The following CRIPT variants were observed in gnomAD, a reference collection of about 807,000 sequenced individuals.
The protein encoded by CRIPT is cysteine-rich PDZ-binding protein.
A neutral mutation model predicts 16.6 loss-of-function variants in CRIPT; 20 were observed. The ratio of observed to expected loss-of-function variants is 1.20; its 90% CI spans 0.85 to 1.75. CRIPT has a LOEUF of 1.75. Among genes scored for constraint, CRIPT ranks in the 40% most tolerant of loss-of-function variants. The pLI, the probability that CRIPT is intolerant of heterozygous loss-of-function variation, is 0.00. For synonymous variants in CRIPT, 42 were observed against 37.0 expected (o/e 1.14, Z -0.49); for missense variants, 133 against 115.3 (o/e 1.15, Z -0.70).
Position 46,620,989 on chromosome 2 carries a change from C to T in CRIPT, c.137+1308C>T, listed in dbSNP as rs187621453. 3.3e-5 allele frequency among the ~76,000 whole-genome samples: 5 copies of T among 152,138 alleles called. No homozygotes were observed. The East Asian group carries it at 5.8e-4, about 18-fold the overall frequency. On this transcript the variant is annotated intron_variant, in intron 3 of 4. Coordinates refer to ENST00000238892, the MANE Select transcript of CRIPT (RefSeq NM_014171.6). ...AAGTTCTTTGGATCTACCTCCAAAA[C>T]GTAAAATGTAACCTGAAACCACCTG...
In CRIPT at chr2:46,628,087, A is replaced by G. The variant is rs1203084938; in HGVS notation, c.*3860A>G. Among the ~76,000 whole-genome samples the G allele has an allele frequency of 6.7e-6, 1 of 149,778 alleles. No individual in the cohort carries two copies. The highest frequency in any genetic ancestry group is 2.5e-5 in the African/African-American group (1 of 40,702). Reference sequence around the variant, plus strand: ...TGCTTAGGATTGATTTTTTGGTTCCATATGAATTTTAGAATGGATTTTTTC... The same window carrying G: ...TGCTTAGGATTGATTTTTTGGTTCCGTATGAATTTTAGAATGGATTTTTTC... On this transcript the variant is annotated 3_prime_UTR_variant, in exon 5 of 5. Transcript: ENST00000238892.
rs549914025 is a variant in CRIPT, at chr2:46,629,609, A to G, written c.*5382A>G. Among the ~76,000 whole-genome samples the G allele has an allele frequency of 3.7e-4, 57 of 152,200 alleles. 1 individual carries two copies. Among genetic ancestry groups the G allele is most frequent in the African/African-American group, 1.3e-3 (54 of 41,526 alleles). On this transcript the variant is annotated 3_prime_UTR_variant, in exon 5 of 5. Transcript: ENST00000238892. ...GTATCCTTCTATTTGGGTTTTTCTG[A>G]TGTTTCCTCATGGTTAGATTGGGGT...
chr2:46,623,662 G>A lies in CRIPT; in HGVS notation c.138-102G>A, dbSNP rs1289864182. On this transcript the variant is annotated intron_variant, in intron 3 of 4. Transcript: ENST00000238892. Reference sequence around the variant, plus strand: ...CCATCAATTGTAGAGGTTGATGGAGGGATGGAGAGCATGGATTAATCCTGT... The same window carrying A: ...CCATCAATTGTAGAGGTTGATGGAGAGATGGAGAGCATGGATTAATCCTGT... 6 of 622,662 alleles carry A rather than the reference G, an allele frequency of 9.6e-6. No individual in the cohort carries two copies. The East Asian group carries it at 1.5e-4, about 16-fold the overall frequency. 38.6% of individuals were successfully genotyped at this position (622,662 alleles called of 1,614,324 possible). A position where few individuals can be genotyped will look rare whatever the true frequency, so the allele number is the denominator to read the frequency against.
In CRIPT at chr2:46,625,304, C is replaced by T. The variant is rs1406122425; in HGVS notation, c.*1077C>T. 3 of 150,236 alleles carry T rather than the reference C, an allele frequency of 2.0e-5. No homozygotes were observed. The highest frequency in any genetic ancestry group is 7.3e-5 in the African/African-American group (3 of 40,962). The allele number at this position is 150,236 out of a possible 1,614,324, so 9.3% of individuals were successfully genotyped here. A position where few individuals can be genotyped will look rare whatever the true frequency, so the allele number is the denominator to read the frequency against. On this transcript the variant is annotated 3_prime_UTR_variant, in exon 5 of 5. Coordinates refer to ENST00000238892, the MANE Select transcript of CRIPT (RefSeq NM_014171.6). ...CAAGCTGTTCTCGAACTTCTGATCT[C>T]AAGCAATCCTCTGGCCTCAGCCTTC... is the stretch of plus-strand genomic sequence containing the variant.
chr2:46,617,247 C>G lies in CRIPT; in HGVS notation c.-36C>G. 1 of 1,553,384 alleles carries G rather than the reference C, an allele frequency of 6.4e-7. No individual in the cohort carries two copies. Among genetic ancestry groups the G allele is most frequent in the African/African-American group, 1.4e-5 (1 of 73,570 alleles). Reference sequence around the variant, plus strand: ...TGTTGTTTTCAGCCTGCTGCTGCTGCTGCTGTTGCGGCTAGGGGAACCGTC... The same window carrying G: ...TGTTGTTTTCAGCCTGCTGCTGCTGGTGCTGTTGCGGCTAGGGGAACCGTC... On this transcript the variant is annotated 5_prime_UTR_variant, in exon 1 of 5. Transcript: ENST00000238892.
In CRIPT at chr2:46,626,077, T is replaced by A. The variant is rs1670932122; in HGVS notation, c.*1850T>A. 6.6e-6 allele frequency among the ~76,000 whole-genome samples: 1 copy of A among 151,958 alleles called. No homozygotes were observed. Among genetic ancestry groups the A allele is most frequent in the Non-Finnish European group, 1.5e-5 (1 of 67,986 alleles). On this transcript the variant is annotated 3_prime_UTR_variant, in exon 5 of 5. Coordinates refer to ENST00000238892, the MANE Select transcript of CRIPT (RefSeq NM_014171.6). ...AGTGAGCATAGAGTCCAACAGGTGG[T>A]TTTTCACCCCTTCCCTCCCCTCTTC...
intron 3 of CRIPT, among the ~76,000 whole-genome samples, chr2:46,621,613 G>A (rs981306023): frequency 1.3e-5 from 2 of 152,122 alleles, no homozygotes; most frequent in African/African-American, 4.8e-5. Context: ...TCTGATGAGG[G>A]CAAGGGCTTT....
chr2:46,629,421 A>G lies in CRIPT; in HGVS notation c.*5194A>G, dbSNP rs1287381258. ...ATAATACTTTACAGTCCATATTTCA[A>G]TTTCATTTGCTGTTTTATTGGTAAT... On this transcript the variant is annotated 3_prime_UTR_variant, in exon 5 of 5. Transcript: ENST00000238892. 6.6e-6 allele frequency among the ~76,000 whole-genome samples: 1 copy of G among 152,258 alleles called. No homozygotes were observed. Among genetic ancestry groups the G allele is most frequent in the East Asian group, 1.9e-4 (1 of 5,192 alleles).
chr2:46,621,914 C>T (rs1670814192), intron 3 of CRIPT, among the ~76,000 whole-genome samples: 2 of 152,164 alleles, frequency 1.3e-5, no homozygotes, highest in South Asian at 4.1e-4. Flanking sequence ...ACTTCCAGTT[C>T]CTTTATGCTC....
Position 46,618,772 on chromosome 2 carries a change from G to T in CRIPT, c.17-1G>T. On this transcript the variant is annotated splice_acceptor_variant, in intron 1 of 4. Transcript: ENST00000238892. LOFTEE classifies it high-confidence loss of function. ...TTCCTTTTACTATCTTGTTCTAACAGGTGAAAAGAAACTTGGTACTGTTAT... is the reference window on the plus strand; with the variant it reads ...TTCCTTTTACTATCTTGTTCTAACATGTGAAAAGAAACTTGGTACTGTTAT... 6.3e-7 allele frequency: 1 copy of T among 1,594,028 alleles called. No homozygotes were observed. Among genetic ancestry groups the T allele is most frequent in the Non-Finnish European group, 8.6e-7 (1 of 1,166,078 alleles).
At chr2:46,623,972 C>T (rs769951723) in intron 4 of CRIPT, 105 bp downstream of exon 4, 20 of 772,698 alleles carry the variant, frequency 2.6e-5, no homozygotes, top group African/African-American at 3.6e-5. Context: ...GTTAGCCAAA[C>T]ACTCTCTTTA....
chr2:46,621,008 C>T (rs1298415021), intron 3 of CRIPT, among the ~76,000 whole-genome samples: 3 of 152,098 alleles, frequency 2.0e-5, no homozygotes, highest in African/African-American at 4.8e-5. Context: ...TAACCTGAAA[C>T]CACCTGCTTC....
In CRIPT at chr2:46,627,586, A is replaced by T. The variant is rs996131744; in HGVS notation, c.*3359A>T. 2.6e-5 allele frequency among the ~76,000 whole-genome samples: 4 copies of T among 151,890 alleles called. No individual in the cohort carries two copies. The highest frequency in any genetic ancestry group is 5.9e-5 in the Non-Finnish European group (4 of 67,956). On this transcript the variant is annotated 3_prime_UTR_variant, in exon 5 of 5. Coordinates refer to ENST00000238892, the MANE Select transcript of CRIPT (RefSeq NM_014171.6). ...AGCCTCCCAACCTAACTGGGATTAC[A>T]GGCACATGCCACCACGCCTGGCTAA...
chr2:46,623,912 A>T, intron 4 of CRIPT, 45 bp downstream of exon 4: 3 of 1,330,432 alleles, frequency 2.3e-6, no homozygotes, highest in Non-Finnish European at 3.2e-6. Flanking sequence ...AACCGACTTC[A>T]TTTGCTGCTA....
At chr2:46,620,749 A>G (rs1670781977) in intron 3 of CRIPT, among the ~76,000 whole-genome samples, 3 of 148,496 alleles carry the variant, frequency 2.0e-5, no homozygotes, top group Admixed American at 1.4e-4. Context: ...TATATATATA[A>G]CTCCCAAATT....
In CRIPT at chr2:46,625,656, G is replaced by C. The variant is rs1379043638; in HGVS notation, c.*1429G>C. 1 of 151,938 alleles carries C rather than the reference G, an allele frequency of 6.6e-6. No homozygotes were observed. Among genetic ancestry groups the C allele is most frequent in the Non-Finnish European group, 1.5e-5 (1 of 67,990 alleles). The allele number at this position is 151,938 out of a possible 1,614,324, so 9.4% of individuals were successfully genotyped here. ...AACTTTATAAGGCTTTTCAAAATGT[G>C]TTTTTCTGAGATACATTGTTATTTA... is the stretch of plus-strand genomic sequence containing the variant. On this transcript the variant is annotated 3_prime_UTR_variant, in exon 5 of 5. Transcript: ENST00000238892.
At position 46,628,578 on chromosome 2, in the gene CRIPT, GT is replaced by G. The variant is rs1476681389; in HGVS notation, c.*4355del. ...TGTCATCTCTGATTTCTTTCAGCGT[GT>G]TTTGTAGTTCTTGTCCAGCTCACAT... On this transcript the variant is annotated 3_prime_UTR_variant, in exon 5 of 5. Transcript: ENST00000238892. Among the ~76,000 whole-genome samples the G allele has an allele frequency of 5.3e-5, 8 of 152,142 alleles. No homozygotes were observed. The highest frequency in any genetic ancestry group is 8.8e-5 in the Non-Finnish European group (6 of 68,018).
intron 1 of CRIPT, among the ~76,000 whole-genome samples, chr2:46,618,294 G>GAA (rs3834106): frequency 7.4e-5 from 11 of 149,372 alleles, no homozygotes; most frequent in African/African-American, 2.5e-4. Context: ...CTCTTGCCAG[G>GAA]AAAAAAAAAT....
chr2:46,617,434 C>G, intron 1 of CRIPT, 136 bp downstream of exon 1: 2 of 1,016,000 alleles, frequency 2.0e-6, no homozygotes, highest in Non-Finnish European at 2.9e-6. Context: ...CTACCCTACC[C>G]TTTGACCATT....
Sources: gnomAD v4.1 joint callset for allele counts (sites outside exome capture counted in the v4.1 genomes callset) on GRCh38, gnomAD v4.1.1 for gene constraint, MANE v1.5 for transcripts, NCBI Gene and HGNC (gene_info 2026-07-23, HGNC 2026-07-21) for gene names.